Variants in RBM48 observed in about 807,000 individuals in gnomAD.
RBM48 encodes the protein RNA-binding protein 48.
RBM48 carries 32 observed loss-of-function variants against 34.8 expected under a neutral mutation model. The observed-to-expected ratio is 0.92, with a 90% CI of 0.69 to 1.23. The LOEUF is 1.23. Among genes scored for constraint, RBM48 ranks in the 50% most tolerant of loss-of-function variants. RBM48 has a pLI of 0.00. For synonymous variants in RBM48, 151 were observed against 156.2 expected (o/e 0.97, Z 0.25); for missense variants, 441 against 447.2 (o/e 0.99, Z 0.12).
rs1030160040 is a variant in RBM48 at position 92,534,859 on chromosome 7, A to C, written c.906A>C (p.Pro302=). 1.2e-6 allele frequency: 2 copies of C among 1,614,058 alleles called. No individual in the cohort carries two copies. Among genetic ancestry groups the C allele is most frequent in the African/African-American group, 2.7e-5 (2 of 74,918 alleles). The change falls in exon 4 of 5, where the codon CCA becomes CCC. Residue 302 remains proline, a synonymous_variant. Coordinates refer to ENST00000265732, the MANE Select transcript of RBM48 (RefSeq NM_032120.4). ...RKLGTFLQTN[P]TGNEIMIGPL... ...TTGGAACTTTTCTTCAAACAAACCC[A>C]ACTGGTAATGAGATTATGATTGGAC... is the stretch of plus-strand genomic sequence containing the variant.
rs1303252109 is a variant in RBM48 at position 92,537,884 on chromosome 7, G to A, written c.*947G>A. The A allele has an allele frequency of 6.6e-6, 1 of 152,124 alleles. No homozygotes were observed. Among genetic ancestry groups the A allele is most frequent in the African/African-American group, 2.4e-5 (1 of 41,402 alleles). The allele number at this position is 152,124 out of a possible 1,614,324, so 9.4% of individuals were successfully genotyped here. On this transcript the variant is annotated 3_prime_UTR_variant, in exon 5 of 5. Transcript: ENST00000265732. The stretch of plus-strand genomic sequence containing the variant: ...GGGTCTCACTGTGTTGCCCAGGCAG[G>A]TATTGAACTCCTGGGCTCAAGTGAT...
chr7:92,534,209 G>A, intron 3 of RBM48, 193 bp from the exon 4 acceptor site: 1 of 754,986 alleles, frequency 1.3e-6, no homozygotes, highest in South Asian at 1.7e-5. Context: ...GGTGACACTT[G>A]ATGCTATATA....
At chr7:92,529,131 G>T in intron 1 of RBM48, 1 of 606,802 alleles carries the variant, frequency 1.6e-6, no homozygotes, top group Non-Finnish European at 2.9e-6. Context: ...CACGAGAATA[G>T]GCCTTGGTTT....
At chr7:92,536,617 T>A (rs1793718404) in intron 4 of RBM48, 4 of 1,140,666 alleles carry the variant, frequency 3.5e-6, no homozygotes, top group Non-Finnish European at 4.3e-6. Flanking sequence ...CTTTTCTTCC[T>A]CCAAATTTTT....
Position 92,536,943 on chromosome 7 carries a change from C to A in RBM48, c.*6C>A. On this transcript the variant is annotated 3_prime_UTR_variant, in exon 5 of 5. Transcript: ENST00000265732. ...AACAAAGAAGAAGAATATAGAGTGC[C>A]AGCAGCAACTTAGTATTTTCTAAAA... 1 of 1,564,326 alleles carries A rather than the reference C, an allele frequency of 6.4e-7. No individual in the cohort carries two copies. The highest frequency in any genetic ancestry group is 8.7e-7 in the Non-Finnish European group (1 of 1,154,484).
chr7:92,532,588 G>C, intron 3 of RBM48, 39 bp downstream of exon 3: 1 of 1,471,678 alleles, frequency 6.8e-7, no homozygotes, highest in Non-Finnish European at 9.4e-7. Flanking sequence ...CTGTGTGTCA[G>C]GCACTCTGCC....
chr7:92,534,872 A>G lies in RBM48; in HGVS notation c.919A>G (p.Ile307Val). Residue 307 changes from isoleucine (I) to valine (V), a missense_variant, in exon 4 of 5, where the codon ATT (isoleucine) becomes GTT (valine). By Grantham distance (29) the Ile-to-Val change is conservative. Coordinates refer to ENST00000265732, the MANE Select transcript of RBM48 (RefSeq NM_032120.4). ...FLQTNPTGNE[I>V]MIGPLLPDIS... ...TCAAACAAACCCAACTGGTAATGAG[A>G]TTATGATTGGACCTCTGTTACCAGA... is the stretch of plus-strand genomic sequence containing the variant. 6.2e-7 allele frequency: 1 copy of G among 1,614,222 alleles called. No homozygotes were observed. The highest frequency in any genetic ancestry group is 8.5e-7 in the Non-Finnish European group (1 of 1,180,034).
chr7:92,536,947 A>G lies in RBM48; in HGVS notation c.*10A>G, dbSNP rs1793730983. 5.8e-6 allele frequency: 9 copies of G among 1,548,946 alleles called. No homozygotes were observed. Among genetic ancestry groups the G allele is most frequent in the South Asian group, 2.4e-5 (2 of 82,542 alleles). On this transcript the variant is annotated 3_prime_UTR_variant, in exon 5 of 5. Coordinates refer to ENST00000265732, the MANE Select transcript of RBM48 (RefSeq NM_032120.4). ...AAGAAGAAGAATATAGAGTGCCAGC[A>G]GCAACTTAGTATTTTCTAAAAAGAA...
At chr7:92,532,370 T>G in intron 2 of RBM48, 34 bp from the exon 3 acceptor site, 1 of 1,566,610 alleles carries the variant, frequency 6.4e-7, no homozygotes, top group Non-Finnish European at 8.6e-7. Flanking sequence ...TAAATCTAGA[T>G]TAAAAAACTA....
intron 4 of RBM48, chr7:92,535,283 C>T (rs1793682996): frequency 8.0e-7 from 1 of 1,249,436 alleles, no homozygotes; most frequent in African/African-American, 1.6e-5. Flanking sequence ...TAAAAGCTCC[C>T]CAGGTAGTTC....
intron 4 of RBM48, 61 bp from the exon 5 acceptor site, chr7:92,536,790 G>A: frequency 6.6e-7 from 1 of 1,503,782 alleles, no homozygotes; most frequent in African/African-American, 1.4e-5. Context: ...TCTTCTAATA[G>A]CTTATTTACT....
chr7:92,535,566 A>G lies in RBM48; in HGVS notation c.1017+596A>G, dbSNP rs191888765. The G allele has an allele frequency of 7.6e-4, 752 of 985,722 alleles. 7 individuals are homozygous for G. The African/African-American group carries it at 0.012, about 16-fold the overall frequency. 61.1% of individuals were successfully genotyped at this position (985,722 alleles called of 1,614,324 possible). A position where few individuals can be genotyped will look rare whatever the true frequency, so the allele number is the denominator to read the frequency against. ...TTTTCCATTTCCTAAGCACAAATGA[A>G]GTTAACATCTGAGTTAGCTTTTGAA... On this transcript the variant is annotated intron_variant, in intron 4 of 4. Coordinates refer to ENST00000265732, the MANE Select transcript of RBM48 (RefSeq NM_032120.4).
At chr7:92,534,213 C>T in intron 3 of RBM48, 189 bp from the exon 4 acceptor site, 1 of 783,664 alleles carries the variant, frequency 1.3e-6, no homozygotes, top group Non-Finnish European at 2.0e-6. Context: ...ACACTTGATG[C>T]TATATATCTT....
At position 92,532,415 on chromosome 7, in the gene RBM48, G is replaced by C; in HGVS notation, c.314G>C (p.Arg105Thr). The C allele has an allele frequency of 6.2e-7, 1 of 1,610,024 alleles. No individual in the cohort carries two copies. Among genetic ancestry groups the C allele is most frequent in the Non-Finnish European group, 8.5e-7 (1 of 1,178,344 alleles). Reference protein sequence around the residue: ...MNLQSARTAKRKMDEQSFFGG... With the variant: ...MNLQSARTAKTKMDEQSFFGG... ...GTATTTCCATTCAGGACAGCCAAGA[G>C]AAAAATGGATGAACAGAGTTTCTTC... Residue 105 changes from arginine to threonine, a missense_variant, in exon 3 of 5, where the codon AGA becomes ACA. Physicochemically the swap from Arg to Thr is moderately conservative, Grantham distance 71 (BLOSUM62 -1). Coordinates refer to ENST00000265732, the MANE Select transcript of RBM48 (RefSeq NM_032120.4).
chr7:92,532,640 G>A, intron 3 of RBM48, 91 bp downstream of exon 3: 1 of 879,860 alleles, frequency 1.1e-6, no homozygotes, highest in South Asian at 1.7e-5. Flanking sequence ...GGTAGGAGAG[G>A]CAAGTAAACC....
chr7:92,531,717 A>G (rs1212283034), intron 2 of RBM48, among the ~76,000 whole-genome samples: 1 of 152,242 alleles, frequency 6.6e-6, no homozygotes, highest in Non-Finnish European at 1.5e-5. Context: ...AAACCAGACT[A>G]TGAGCATGGC....
At chr7:92,533,636 A>C (rs1585276649) in intron 3 of RBM48, among the ~76,000 whole-genome samples, 1 of 152,218 alleles carries the variant, frequency 6.6e-6, no homozygotes. Context: ...CATCTGCAGC[A>C]TTCTAGCCTC....
chr7:92,530,078 G>A (rs566550211), intron 2 of RBM48, among the ~76,000 whole-genome samples: 396 of 151,662 alleles, frequency 2.6e-3, no homozygotes, highest in African/African-American at 9.4e-3. Flanking sequence ...TCGGGAGGCT[G>A]AGGCAGGAGA....
rs1793706007 is a variant in RBM48, at chr7:92,536,136, A to G, written c.1018-715A>G. On this transcript the variant is annotated intron_variant, in intron 4 of 4. Coordinates refer to ENST00000265732, the MANE Select transcript of RBM48 (RefSeq NM_032120.4). ...CAGTGTGAGACCCTGTCTCAAAAAAAAAGGTTTTCAGTTTGTGCTGCCACC... is the reference window on the plus strand; with the variant it reads ...CAGTGTGAGACCCTGTCTCAAAAAAGAAGGTTTTCAGTTTGTGCTGCCACC... 4.1e-6 allele frequency: 4 copies of G among 985,338 alleles called. No homozygotes were observed. The African/African-American group carries it at 7.0e-5, about 17-fold the overall frequency. 61.0% of individuals were successfully genotyped at this position (985,338 alleles called of 1,614,324 possible).
Sources: allele counts gnomAD v4.1 joint callset (sites outside exome capture counted in the v4.1 genomes callset), GRCh38; gene constraint gnomAD v4.1.1; transcripts MANE v1.5; gene names NCBI Gene and HGNC (gene_info 2026-07-23, HGNC 2026-07-21).